The following ZNF407 variants were observed in gnomAD, a reference collection of about 807,000 sequenced individuals.
ZNF407 encodes the protein zinc finger protein 407.
ZNF407 carries 17 observed loss-of-function variants against 131.2 expected under a neutral mutation model. The ratio of observed to expected loss-of-function variants is 0.13; its 90% CI spans 0.09 to 0.19. The LOEUF is 0.19. Among genes scored for constraint, ZNF407 ranks in the 10% least tolerant of loss-of-function variants. The pLI is 1.00. For missense variants in ZNF407, 2,681 were observed against 2,830.6 expected, an observed-to-expected ratio of 0.95 and a Z score of 1.20; for synonymous variants, 1,156 against 1,062.0, an observed-to-expected ratio of 1.09 and a Z score of -1.72.
intron 4 of ZNF407, among the ~76,000 whole-genome samples, chr18:74,798,302 T>G (rs192146936): frequency 1.2e-4 from 19 of 152,158 alleles, no homozygotes; most frequent in Admixed American, 1.2e-3. Flanking sequence ...TTTTTTTTCT[T>G]TATGAGGAAA....
chr18:74,683,608 C>G (rs1967034676), intron 3 of ZNF407, among the ~76,000 whole-genome samples: 1 of 152,128 alleles, frequency 6.6e-6, no homozygotes, highest in South Asian at 2.1e-4. Flanking sequence ...CTTTGTGTCC[C>G]TTGTGTGAAT....
chr18:74,676,951 C>T (rs907828716), intron 3 of ZNF407, among the ~76,000 whole-genome samples: 1 of 152,174 alleles, frequency 6.6e-6, no homozygotes, highest in Non-Finnish European at 1.5e-5. Context: ...GCCACTGCCC[C>T]CGTCTTCCCT....
intron 8 of ZNF407, among the ~76,000 whole-genome samples, chr18:75,006,353 A>G (rs1355033565): frequency 6.6e-6 from 1 of 152,108 alleles, no homozygotes; most frequent in East Asian, 1.9e-4. Flanking sequence ...TTTCTAACTT[A>G]AGTTGAATGC....
intron 1 of ZNF407, among the ~76,000 whole-genome samples, chr18:74,610,940 T>C (rs1252379640): frequency 6.6e-6 from 1 of 152,204 alleles, no homozygotes; most frequent in Non-Finnish European, 1.5e-5. Context: ...ACCTTCCAAA[T>C]GTTCATGTGA....
At chr18:74,873,712 TAA>T (rs71170328) in intron 4 of ZNF407, among the ~76,000 whole-genome samples, 37 of 140,878 alleles carry the variant, frequency 2.6e-4, no homozygotes, top group Non-Finnish European at 2.5e-4. Flanking sequence ...CCCTGGCTCT[TAA>T]AAAAAAAAAA....
At chr18:74,803,390 G>T (rs1970055033) in intron 4 of ZNF407, among the ~76,000 whole-genome samples, 2 of 152,182 alleles carry the variant, frequency 1.3e-5, no homozygotes, top group Non-Finnish European at 1.5e-5. Context: ...TCGATAGGGA[G>T]ACCCTGGAAA....
intron 4 of ZNF407, among the ~76,000 whole-genome samples, chr18:74,829,124 AT>A (rs1431037726): frequency 1.3e-5 from 2 of 152,238 alleles, no homozygotes; most frequent in Non-Finnish European, 2.9e-5. Flanking sequence ...TAATCTTTAC[AT>A]TTACATAAAA....
intron 3 of ZNF407, among the ~76,000 whole-genome samples, chr18:74,743,593 G>A (rs888235735): frequency 6.6e-6 from 1 of 152,108 alleles, no homozygotes; most frequent in African/African-American, 2.4e-5. Context: ...ATCCTAATGA[G>A]TTGTCATGTT....
At chr18:74,984,518 G>A (rs1336210868) in intron 8 of ZNF407, among the ~76,000 whole-genome samples, 1 of 152,174 alleles carries the variant, frequency 6.6e-6, no homozygotes, top group African/African-American at 2.4e-5. Context: ...GGTTCAGCAT[G>A]TAAGTTGTTA....
intron 3 of ZNF407, among the ~76,000 whole-genome samples, chr18:74,682,744 G>C (rs1967013322): frequency 1.3e-5 from 2 of 152,092 alleles, no homozygotes; most frequent in African/African-American, 2.4e-5. Flanking sequence ...ACTTATTTTG[G>C]TTTACAGTTT....
chr18:74,728,847 G>GA (rs1335908123), intron 3 of ZNF407, among the ~76,000 whole-genome samples: 1 of 152,190 alleles, frequency 6.6e-6, no homozygotes, highest in Non-Finnish European at 1.5e-5. Context: ...GCTTGAAGTT[G>GA]AAAGAGAACC....
intron 8 of ZNF407, among the ~76,000 whole-genome samples, chr18:75,030,905 C>T (rs1568306203): frequency 1.3e-5 from 2 of 152,298 alleles, no homozygotes; most frequent in East Asian, 3.9e-4. Context: ...GACTGCATGC[C>T]AGAAAAGCAG....
intron 4 of ZNF407, among the ~76,000 whole-genome samples, chr18:74,782,593 C>G (rs760788150): frequency 6.6e-6 from 1 of 151,842 alleles, no homozygotes; most frequent in African/African-American, 2.4e-5. Context: ...TTCTTTCTTC[C>G]TGTTCTCCCC....
intron 3 of ZNF407, among the ~76,000 whole-genome samples, chr18:74,739,746 A>G (rs1259302069): frequency 6.6e-6 from 1 of 152,176 alleles, no homozygotes; most frequent in Non-Finnish European, 1.5e-5. Context: ...GAGATAAAAA[A>G]ATGCTCATTT....
intron 4 of ZNF407, among the ~76,000 whole-genome samples, chr18:74,851,363 C>T (rs1037665767): frequency 3.9e-5 from 6 of 152,122 alleles, no homozygotes; most frequent in Non-Finnish European, 8.8e-5. Flanking sequence ...ATAATCATGG[C>T]AGTATTCCCT....
chr18:74,738,149 C>T (rs953471632), intron 3 of ZNF407, among the ~76,000 whole-genome samples: 35 of 151,934 alleles, frequency 2.3e-4, no homozygotes, highest in African/African-American at 8.0e-4. Context: ...GGGCCAGGTG[C>T]GGTGGCTCAC....
chr18:74,788,731 T>C (rs1365698558), intron 4 of ZNF407, among the ~76,000 whole-genome samples: 2 of 150,556 alleles, frequency 1.3e-5, no homozygotes, highest in South Asian at 2.1e-4. Context: ...TTGTTTCTTA[T>C]TGCTTCTAAG....
chr18:74,603,522 C>T (rs1175755008), intron 1 of ZNF407, among the ~76,000 whole-genome samples: 2 of 152,206 alleles, frequency 1.3e-5, no homozygotes, highest in Non-Finnish European at 2.9e-5. Context: ...AAAGCCCAAC[C>T]ATGTAAGGCA....
intron 6 of ZNF407, among the ~76,000 whole-genome samples, chr18:74,884,722 A>G (rs1187626728): frequency 6.6e-6 from 1 of 152,206 alleles, no homozygotes; most frequent in South Asian, 2.1e-4. Context: ...TTTTAAATTT[A>G]AATTTTGTCA....
Sources: gnomAD v4.1 joint callset for allele counts (sites outside exome capture counted in the v4.1 genomes callset) on GRCh38, gnomAD v4.1.1 for gene constraint, MANE v1.5 for transcripts, NCBI Gene and HGNC (gene_info 2026-07-23, HGNC 2026-07-21) for gene names.